CDKAL1: variants seen among roughly 807,000 people sequenced by gnomAD.
CDKAL1 encodes CDKAL1 threonylcarbamoyladenosine tRNA methylthiotransferase, also known as threonylcarbamoyladenosine tRNA methylthiotransferase.
CDKAL1 carries 32 observed loss-of-function variants against 68.2 expected under a neutral mutation model. The observed-to-expected ratio is 0.47, with a 90% CI of 0.35 to 0.63. The LOEUF is 0.63. CDKAL1 is among the 30% of genes least tolerant of loss of function. The pLI is 0.00. For synonymous variants in CDKAL1, 234 were observed against 244.3 expected (o/e 0.96, Z 0.39); for missense variants, 606 against 696.7 (o/e 0.87, Z 1.47).
At chr6:21,089,833 C>A (rs955270318) in intron 12 of CDKAL1, among the ~76,000 whole-genome samples, 13 of 152,188 alleles carry the variant, frequency 8.5e-5, no homozygotes, top group African/African-American at 3.1e-4. Flanking sequence ...CAAAGTAAGC[C>A]ATAAATATTA....
chr6:20,660,207 G>A lies in CDKAL1; in HGVS notation c.371+10830G>A, dbSNP rs146764358. Among the ~76,000 whole-genome samples, 391 of 152,198 alleles carry A rather than the reference G, an allele frequency of 2.6e-3. 1 individual carries two copies. Among genetic ancestry groups the A allele is most frequent in the Non-Finnish European group, 4.0e-3 (275 of 68,000 alleles). On this transcript the variant is annotated intron_variant, in intron 5 of 15. Coordinates refer to ENST00000274695, the MANE Select transcript of CDKAL1 (RefSeq NM_017774.3). ...CCCATATTAACAATTAACATCTGTT[G>A]TTGTGTAGTATATTCTATTATTTGT...
intron 13 of CDKAL1, among the ~76,000 whole-genome samples, chr6:21,145,510 G>C (rs143182584): frequency 3.1e-4 from 47 of 152,234 alleles, no homozygotes; most frequent in African/African-American, 9.9e-4. Flanking sequence ...ACTTGTGAAG[G>C]ATCAGCTTAT....
At chr6:21,212,573 C>T (rs1369355828) in intron 15 of CDKAL1, among the ~76,000 whole-genome samples, 1 of 152,116 alleles carries the variant, frequency 6.6e-6, no homozygotes, top group African/African-American at 2.4e-5. Context: ...TCCTATGAGA[C>T]TCAGAGTGTG....
intron 7 of CDKAL1, among the ~76,000 whole-genome samples, chr6:20,768,561 A>G (rs1176193051): frequency 6.6e-6 from 1 of 152,090 alleles, no homozygotes; most frequent in Admixed American, 6.6e-5. Flanking sequence ...GTGTACCTCT[A>G]TATTTTTTAG....
intron 10 of CDKAL1, among the ~76,000 whole-genome samples, chr6:20,974,448 C>T (rs1014688076): frequency 6.6e-6 from 1 of 152,162 alleles, no homozygotes; most frequent in Non-Finnish European, 1.5e-5. Flanking sequence ...GCCACAACTT[C>T]ACATTGGATA....
At chr6:20,712,876 G>A (rs982794024) in intron 5 of CDKAL1, among the ~76,000 whole-genome samples, 6 of 151,982 alleles carry the variant, frequency 3.9e-5, no homozygotes, top group Non-Finnish European at 7.4e-5. Context: ...TCCTGACCTC[G>A]TGATCCACCT....
At chr6:20,679,884 G>A (rs1770295449) in intron 5 of CDKAL1, among the ~76,000 whole-genome samples, 1 of 151,978 alleles carries the variant, frequency 6.6e-6, no homozygotes, top group Non-Finnish European at 1.5e-5. Context: ...AATTCTCCCA[G>A]GTACTGGTTG....
At chr6:21,205,618 C>A (rs1778879738) in intron 15 of CDKAL1, among the ~76,000 whole-genome samples, 1 of 151,748 alleles carries the variant, frequency 6.6e-6, no homozygotes, top group Admixed American at 6.6e-5. Context: ...GTAAGCTCCG[C>A]CTCCTGGGTT....
chr6:20,723,614 C>T lies in CDKAL1; in HGVS notation c.372-15905C>T, dbSNP rs1016269363. 46 of 198,862 alleles carry T rather than the reference C, an allele frequency of 2.3e-4. 1 individual carries two copies. Among genetic ancestry groups the T allele is most frequent in the Non-Finnish European group, 1.1e-4 (10 of 93,276 alleles). The allele number at this position is 198,862 out of a possible 1,614,324, so 12.3% of individuals were successfully genotyped here. A position where few individuals can be genotyped will look rare whatever the true frequency, so the allele number is the denominator to read the frequency against. ...TTTTGTAGGGTTGGTGCTTGCCACA[C>T]GCGTTACAGAAAGTTTGATGGTTTT... On this transcript the variant is annotated intron_variant, in intron 5 of 15. Transcript: ENST00000274695.
At chr6:20,702,302 C>T (rs889720332) in intron 5 of CDKAL1, among the ~76,000 whole-genome samples, 37 of 152,108 alleles carry the variant, frequency 2.4e-4, no homozygotes, top group African/African-American at 8.7e-4. Context: ...CCCCAGTAGG[C>T]GTGTGTTACA....
chr6:20,622,520 T>G (rs761764094), intron 4 of CDKAL1, among the ~76,000 whole-genome samples: 1 of 152,062 alleles, frequency 6.6e-6, no homozygotes, highest in Non-Finnish European at 1.5e-5. Context: ...TTTTTAGTTT[T>G]GCCTACTCTG....
chr6:20,715,282 A>G (rs1480459700), intron 5 of CDKAL1, among the ~76,000 whole-genome samples: 1 of 152,088 alleles, frequency 6.6e-6, no homozygotes, highest in Non-Finnish European at 1.5e-5. Flanking sequence ...CCACCTTTTT[A>G]AAAAAGATTC....
chr6:21,071,917 C>T (rs1327879016), intron 12 of CDKAL1, among the ~76,000 whole-genome samples: 1 of 152,204 alleles, frequency 6.6e-6, no homozygotes, highest in Non-Finnish European at 1.5e-5. Context: ...GAGTTCTGAT[C>T]TGTAGCATTT....
At chr6:20,954,840 A>T (rs1764701006) in intron 9 of CDKAL1, among the ~76,000 whole-genome samples, 1 of 152,234 alleles carries the variant, frequency 6.6e-6, no homozygotes, top group African/African-American at 2.4e-5. Flanking sequence ...ACAAACACTC[A>T]GTTTAGGCAG....
chr6:20,870,762 A>G (rs1446183208), intron 9 of CDKAL1, among the ~76,000 whole-genome samples: 2 of 152,214 alleles, frequency 1.3e-5, no homozygotes, highest in Non-Finnish European at 2.9e-5. Flanking sequence ...GAAATTGTCA[A>G]TTGAAATTGA....
Position 20,979,472 on chromosome 6 carries a change from T to C in CDKAL1, c.910-20755T>C, listed in dbSNP as rs533441118. The stretch of plus-strand genomic sequence containing the variant: ...GTTGGCTTAGAGGTGAGCAATTGCA[T>C]TCTAGAGTGAGGATAACATTTTAAT... On this transcript the variant is annotated intron_variant, in intron 10 of 15. Transcript: ENST00000274695. 1.3e-4 allele frequency among the ~76,000 whole-genome samples: 20 copies of C among 152,206 alleles called. 1 individual carries two copies. The South Asian group carries it at 4.1e-3, about 32-fold the overall frequency.
At position 20,618,102 on chromosome 6, in the gene CDKAL1, C is replaced by T. The variant is rs532656204; in HGVS notation, c.287-31191C>T. ...TGTTGTTTCCTGACTTTTTAATGAT[C>T]GCCATTCTAACTGCTGTGAGATGGT... On this transcript the variant is annotated intron_variant, in intron 4 of 15. Coordinates refer to ENST00000274695, the MANE Select transcript of CDKAL1 (RefSeq NM_017774.3). 1.7e-3 allele frequency among the ~76,000 whole-genome samples: 253 copies of T among 152,204 alleles called. 1 individual carries two copies. The highest frequency in any genetic ancestry group is 2.5e-3 in the Non-Finnish European group (168 of 68,000).
intron 9 of CDKAL1, among the ~76,000 whole-genome samples, chr6:20,951,341 T>C (rs1050203253): frequency 6.6e-6 from 1 of 152,354 alleles, no homozygotes; most frequent in Admixed American, 6.5e-5. Context: ...TCTTTTGAAA[T>C]TGAATTTTGG....
intron 9 of CDKAL1, among the ~76,000 whole-genome samples, chr6:20,848,153 A>C (rs1026891107): frequency 2.1e-5 from 2 of 94,672 alleles, no homozygotes; most frequent in African/African-American, 6.1e-5. Context: ...ATGCTTATGC[A>C]AACGTCTGAC....
Sources: gnomAD v4.1 joint callset for allele counts (sites outside exome capture counted in the v4.1 genomes callset) on GRCh38, gnomAD v4.1.1 for gene constraint, MANE v1.5 for transcripts, NCBI Gene and HGNC (gene_info 2026-07-23, HGNC 2026-07-21) for gene names.